The following PAM variants were observed in gnomAD, a reference collection of about 807,000 sequenced individuals.
PAM encodes the protein peptidylglycine alpha-amidating monooxygenase.
Under a neutral mutation model 122.1 loss-of-function variants are expected in PAM, and 72 were observed. The ratio of observed to expected loss-of-function variants is 0.59; its 90% confidence interval spans 0.49 to 0.72. The LOEUF (loss-of-function observed/expected upper bound fraction) is 0.72. PAM is among the 30% of genes least tolerant of loss of function. PAM has a pLI of 0.00. For synonymous variants in PAM, 389 were observed against 404.4 expected (o/e 0.96, Z 0.46); for missense variants, 1,106 against 1,183.7 (o/e 0.93, Z 0.96).
intron 1 of PAM, among the ~76,000 whole-genome samples, chr5:102,806,857 T>C (rs1184373370): frequency 6.6e-6 from 1 of 152,248 alleles, no homozygotes; most frequent in African/African-American, 2.4e-5. Context: ...ATTTTCTACA[T>C]ATTCCAGATT....
chr5:102,808,460 C>G (rs1476879202), intron 1 of PAM, among the ~76,000 whole-genome samples: 1 of 152,126 alleles, frequency 6.6e-6, no homozygotes, highest in Non-Finnish European at 1.5e-5. Context: ...ACTGAATGCA[C>G]AGTGTAACGC....
At chr5:102,975,482 AAACAG>A (rs1259729831) in intron 15 of PAM, among the ~76,000 whole-genome samples, 6 of 152,190 alleles carry the variant, frequency 3.9e-5, no homozygotes, top group Admixed American at 3.9e-4. Flanking sequence ...TTTCATGTTT[AAACAG>A]GATCAGCCCT....
At position 102,953,742 on chromosome 5, in the gene PAM, A is replaced by T. The variant is rs374031348; in HGVS notation, c.905+2922A>T. 2.2e-4 allele frequency among the ~76,000 whole-genome samples: 34 copies of T among 152,300 alleles called. No homozygotes were observed. The South Asian group carries it at 7.0e-3, about 32-fold the overall frequency. On this transcript the variant is annotated intron_variant, in intron 12 of 25. Coordinates refer to ENST00000438793, the MANE Select transcript of PAM (RefSeq NM_001177306.2). ...TTAAAAAAATGATAGGGCCGAGTACAATGGCTCATGCCTGTAATCTCAGCA... is the reference window on the plus strand; with the variant it reads ...TTAAAAAAATGATAGGGCCGAGTACTATGGCTCATGCCTGTAATCTCAGCA...
intron 1 of PAM, among the ~76,000 whole-genome samples, chr5:102,860,209 G>A (rs1783788867): frequency 6.6e-6 from 1 of 152,102 alleles, no homozygotes; most frequent in Non-Finnish European, 1.5e-5. Context: ...ATTAGGTAAG[G>A]AGGCATCCGT....
At chr5:102,836,421 G>C (rs113342548) in intron 1 of PAM, among the ~76,000 whole-genome samples, 2 of 152,200 alleles carry the variant, frequency 1.3e-5, no homozygotes, top group African/African-American at 4.8e-5. Flanking sequence ...TGTAGAGATG[G>C]GGTATAACTA....
chr5:103,001,759 T>A (rs974703405), intron 16 of PAM, among the ~76,000 whole-genome samples: 16 of 152,246 alleles, frequency 1.1e-4, no homozygotes, highest in Middle Eastern at 3.4e-3. Flanking sequence ...AGACTCTACA[T>A]AAGTTCCATA....
chr5:102,927,610 A>G (rs1581785937), intron 7 of PAM, among the ~76,000 whole-genome samples: 1 of 152,082 alleles, frequency 6.6e-6, no homozygotes, highest in African/African-American at 2.4e-5. Context: ...AGAGAGCCCC[A>G]TGGGGTAGAA....
intron 7 of PAM, among the ~76,000 whole-genome samples, chr5:102,941,057 T>C (rs751752948): frequency 5.3e-5 from 8 of 152,192 alleles, no homozygotes; most frequent in Non-Finnish European, 1.2e-4. Context: ...TTTTGAGAGA[T>C]AAAATAGTAT....
chr5:103,008,459 A>G (rs910903405), intron 20 of PAM, among the ~76,000 whole-genome samples: 1 of 152,162 alleles, frequency 6.6e-6, no homozygotes, highest in African/African-American at 2.4e-5. Flanking sequence ...CTCTTTTCAC[A>G]ATGAAGTGAA....
At chr5:102,925,598 A>G (rs1453352295) in intron 6 of PAM, among the ~76,000 whole-genome samples, 1 of 152,168 alleles carries the variant, frequency 6.6e-6, no homozygotes, top group Non-Finnish European at 1.5e-5. Flanking sequence ...CTCGTGATAC[A>G]CATGCACCTC....
intron 7 of PAM, among the ~76,000 whole-genome samples, chr5:102,943,967 G>A (rs1756137246): frequency 6.6e-6 from 1 of 152,078 alleles, no homozygotes; most frequent in African/African-American, 2.4e-5. Context: ...TTCATTATCA[G>A]ACTACTCTTT....
At chr5:102,895,558 T>C (rs1795976075) in intron 3 of PAM, among the ~76,000 whole-genome samples, 1 of 151,670 alleles carries the variant, frequency 6.6e-6, no homozygotes, top group African/African-American at 2.4e-5. Context: ...ATATTAGAAT[T>C]AGAACAGGCC....
Position 102,904,481 on chromosome 5 carries a change from G to C in PAM, c.268+3068G>C, listed in dbSNP as rs143832877. Among the ~76,000 whole-genome samples, 461 of 151,582 alleles carry C rather than the reference G, an allele frequency of 3.0e-3. 5 individuals carry two copies. Among genetic ancestry groups the C allele is most frequent in the African/African-American group, 0.01 (435 of 41,440 alleles). ...TTCTGACTCAGCATTTCAAACAGTA[G>C]ATAATTTACCTTTCTACCTTGAATT... is the stretch of plus-strand genomic sequence containing the variant. On this transcript the variant is annotated intron_variant, in intron 4 of 25. Transcript: ENST00000438793.
intron 1 of PAM, among the ~76,000 whole-genome samples, chr5:102,840,615 A>G (rs1243580742): frequency 6.6e-6 from 1 of 152,232 alleles, no homozygotes; most frequent in Admixed American, 6.5e-5. Flanking sequence ...AATATCATGA[A>G]TGAAAGAATT....
chr5:102,779,408 A>G (rs1758011100), intron 1 of PAM, among the ~76,000 whole-genome samples: 1 of 152,142 alleles, frequency 6.6e-6, no homozygotes, highest in South Asian at 2.1e-4. Context: ...TATATGTAGA[A>G]TAACAGTATG....
intron 5 of PAM, among the ~76,000 whole-genome samples, chr5:102,924,706 A>G (rs556339584): frequency 1.3e-5 from 2 of 151,956 alleles, no homozygotes; most frequent in East Asian, 1.9e-4. Context: ...TAAAAATTAT[A>G]TATCTCCCTC....
At chr5:102,757,278 G>A (rs1229268159) in intron 1 of PAM, among the ~76,000 whole-genome samples, 1 of 151,980 alleles carries the variant, frequency 6.6e-6, no homozygotes, top group African/African-American at 2.4e-5. Context: ...AGTGAGCTGA[G>A]ATCACTCCAC....
At chr5:102,783,953 G>T (rs1445865792) in intron 1 of PAM, among the ~76,000 whole-genome samples, 1 of 151,132 alleles carries the variant, frequency 6.6e-6, no homozygotes, top group African/African-American at 2.4e-5. Flanking sequence ...CTGGAGTGCA[G>T]TGGCGCAATC....
chr5:102,941,612 G>A (rs1004813232), intron 7 of PAM, among the ~76,000 whole-genome samples: 1 of 151,834 alleles, frequency 6.6e-6, no homozygotes, highest in Non-Finnish European at 1.5e-5. Flanking sequence ...ATTTTATCTC[G>A]ATGTATCTGT....
Sources: gnomAD v4.1 joint callset for allele counts (sites outside exome capture counted in the v4.1 genomes callset) on GRCh38, gnomAD v4.1.1 for gene constraint, MANE v1.5 for transcripts, NCBI Gene and HGNC (gene_info 2026-07-23, HGNC 2026-07-21) for gene names.